The following ZFYVE28 variants were observed in gnomAD, a reference collection of about 807,000 sequenced individuals.
ZFYVE28 encodes the protein lateral signaling target protein 2 homolog.
Under a neutral mutation model 82.1 loss-of-function variants are expected in ZFYVE28, and 40 were observed. That is an observed-to-expected ratio of 0.49 (90% CI 0.38 to 0.63). The LOEUF (loss-of-function observed/expected upper bound fraction) is 0.63, where lower values mean the gene tolerates loss of function less well. Among genes scored for constraint, ZFYVE28 ranks in the 30% least tolerant of loss-of-function variants. The pLI, the probability that ZFYVE28 is intolerant of heterozygous loss-of-function variation, is 0.00. For synonymous variants in ZFYVE28, 612 were observed against 546.1 expected, an observed-to-expected ratio of 1.12 and a Z score of -1.68; for missense variants, 1,321 against 1,242.1, an observed-to-expected ratio of 1.06 and a Z score of -0.96.
intron 1 of ZFYVE28, among the ~76,000 whole-genome samples, chr4:2,407,165 A>G (rs1435222761): frequency 1.3e-5 from 2 of 151,838 alleles, no homozygotes; most frequent in African/African-American, 2.4e-5. Flanking sequence ...TCTGACTTTG[A>G]TTTTCCTCTT....
chr4:2,416,337 C>A lies in ZFYVE28; in HGVS notation c.39+1948G>T, dbSNP rs1733030210. On this transcript the variant is annotated intron_variant, in intron 1 of 12. Coordinates refer to ENST00000290974, the MANE Select transcript of ZFYVE28 (RefSeq NM_020972.3). The surrounding 1 kb of genome is among the most constrained non-coding windows in gnomAD (Gnocchi z 4.6). ...TCAACACGATTAGAAGGGTGATCCC[C>A]CAAATGCGGCCTCTTCCACAGCCAC... Among the ~76,000 whole-genome samples the A allele has an allele frequency of 6.6e-6, 1 of 152,218 alleles. No individual in the cohort carries two copies. Among genetic ancestry groups the A allele is most frequent in the African/African-American group, 2.4e-5 (1 of 41,444 alleles).
At chr4:2,298,795 C>T (rs750605269) in intron 8 of ZFYVE28, among the ~76,000 whole-genome samples, 3 of 152,222 alleles carry the variant, frequency 2.0e-5, no homozygotes, top group African/African-American at 4.8e-5. Context: ...CAGCCTTGAC[C>T]GTGTGTCAGG....
intron 1 of ZFYVE28, among the ~76,000 whole-genome samples, chr4:2,393,050 C>T (rs145494707): frequency 3.2e-4 from 48 of 152,332 alleles, no homozygotes; most frequent in African/African-American, 9.4e-4. Context: ...CAAAGCTCCC[C>T]GTGAAAGGGC....
intron 2 of ZFYVE28, among the ~76,000 whole-genome samples, chr4:2,350,617 G>C (rs952657213): frequency 1.2e-4 from 19 of 152,184 alleles, no homozygotes; most frequent in East Asian, 5.8e-4. Context: ...GCTTCAGGAT[G>C]GGGGGCTGGT....
chr4:2,379,667 T>A (rs1267778899), intron 1 of ZFYVE28, among the ~76,000 whole-genome samples: 1 of 152,210 alleles, frequency 6.6e-6, no homozygotes, highest in African/African-American at 2.4e-5. Context: ...TGTAATTTTA[T>A]CCTCATGGGA....
intron 7 of ZFYVE28, chr4:2,306,780 C>T (rs746050418): frequency 3.3e-5 from 5 of 152,158 alleles, no homozygotes; most frequent in Non-Finnish European, 5.9e-5. Context: ...AACGCTATTT[C>T]GTAAGATTCA....
intron 1 of ZFYVE28, among the ~76,000 whole-genome samples, chr4:2,370,093 C>T (rs1018053014): frequency 6.6e-6 from 1 of 151,810 alleles, no homozygotes; most frequent in African/African-American, 2.4e-5. Flanking sequence ...CGTGATCCGC[C>T]CGCCTTAGCC....
chr4:2,369,920 G>A (rs1205679784), intron 1 of ZFYVE28, among the ~76,000 whole-genome samples: 3 of 142,398 alleles, frequency 2.1e-5, no homozygotes, highest in African/African-American at 5.3e-5. Flanking sequence ...GCGTGATCTC[G>A]GCTCACTGCA....
chr4:2,273,010 A>G (rs1736051738), intron 10 of ZFYVE28, among the ~76,000 whole-genome samples, 163 bp downstream of exon 10: 1 of 152,188 alleles, frequency 6.6e-6, no homozygotes, highest in South Asian at 2.1e-4. Context: ...GCAGCCTGGC[A>G]CATTTGGAGT....
At chr4:2,407,858 T>A (rs1222972091) in intron 1 of ZFYVE28, among the ~76,000 whole-genome samples, 1 of 152,216 alleles carries the variant, frequency 6.6e-6, no homozygotes, top group Non-Finnish European at 1.5e-5. Context: ...AGTGCTGGGA[T>A]TACAGGCGTG....
rs1720292787 is a variant in ZFYVE28 at position 2,329,056 on chromosome 4, C to G, written c.701+6649G>C. On this transcript the variant is annotated intron_variant, in intron 6 of 12. Transcript: ENST00000290974. ...TTTGAAATCAGGACGTATGAATCTTCCAATTTTGTTTTTGTTTTTCAATAT... is the reference window on the plus strand; with the variant it reads ...TTTGAAATCAGGACGTATGAATCTTGCAATTTTGTTTTTGTTTTTCAATAT... 5 of 691,464 alleles carry G rather than the reference C, an allele frequency of 7.2e-6. No homozygotes were observed. In the East Asian group the frequency reaches 1.3e-4, roughly 19 times the overall value. 42.8% of individuals were successfully genotyped at this position (691,464 alleles called of 1,614,324 possible).
chr4:2,353,806 C>T, intron 2 of ZFYVE28, 127 bp downstream of exon 2: 1 of 1,199,392 alleles, frequency 8.3e-7, no homozygotes, highest in African/African-American at 1.6e-5. Context: ...CCTGGCTTCT[C>T]TAGCACCCGA....
chr4:2,341,513 C>T lies in ZFYVE28; in HGVS notation c.283G>A (p.Asp95Asn), dbSNP rs772163580. Residue 95 changes from aspartate to asparagine, a missense_variant, in exon 3 of 13, where the codon GAC (aspartate) becomes AAC (asparagine). Asp to Asn is a conservative substitution (Grantham distance 23). Around this residue, in one of 2 missense-constraint regions of ZFYVE28, gnomAD observed 343 missense variants for 408.4 expected, o/e 0.84. Coordinates refer to ENST00000290974, the MANE Select transcript of ZFYVE28 (RefSeq NM_020972.3). This position sits in a 1 kb window ranked among gnomAD's most constrained non-coding sequence, Gnocchi z 4.5. ...AACCACAGCTGGCCGGCCAGGTTGT[C>T]GTGCCGGATCTCCTCAGGGAACTTG... ...CVKFPEEIRH[D>N]NLAGQLWFGA... 5.6e-6 allele frequency: 9 copies of T among 1,613,842 alleles called. No homozygotes were observed. The highest frequency in any genetic ancestry group is 1.3e-5 in the African/African-American group (1 of 75,036).
chr4:2,395,467 G>C (rs1402721048), intron 1 of ZFYVE28, among the ~76,000 whole-genome samples: 1 of 152,180 alleles, frequency 6.6e-6, no homozygotes, highest in African/African-American at 2.4e-5. Context: ...CCACACACAG[G>C]CACCAGGTCC....
chr4:2,380,327 C>A (rs907765205), intron 1 of ZFYVE28, among the ~76,000 whole-genome samples: 1 of 152,206 alleles, frequency 6.6e-6, no homozygotes, highest in East Asian at 1.9e-4. Context: ...TGCCAAGAAA[C>A]CTGCTCTCAT....
intron 8 of ZFYVE28, among the ~76,000 whole-genome samples, chr4:2,281,641 G>A (rs183424250): frequency 1.1e-4 from 16 of 152,318 alleles, no homozygotes; most frequent in African/African-American, 3.8e-4. Flanking sequence ...ACCTCTTTAA[G>A]GTCCCCCCTC....
chr4:2,398,502 C>T (rs1430472592), intron 1 of ZFYVE28, among the ~76,000 whole-genome samples: 2 of 152,086 alleles, frequency 1.3e-5, no homozygotes, highest in Non-Finnish European at 2.9e-5. Context: ...CTGGGAGAGA[C>T]CAGTACAAGA....
intron 7 of ZFYVE28, among the ~76,000 whole-genome samples, chr4:2,314,716 A>T (rs1298873028): frequency 2.6e-5 from 4 of 152,196 alleles, no homozygotes; most frequent in African/African-American, 4.8e-5. Flanking sequence ...AACTCCACAG[A>T]CACTATAATT....
At chr4:2,340,770 AC>A (rs775469389) in intron 3 of ZFYVE28, among the ~76,000 whole-genome samples, 1 of 152,038 alleles carries the variant, frequency 6.6e-6, no homozygotes, top group African/African-American at 2.4e-5. Context: ...GGCAGAGGAC[AC>A]CCCAACCAGG....
Sources: allele counts gnomAD v4.1 joint callset (sites outside exome capture counted in the v4.1 genomes callset), GRCh38; gene constraint gnomAD v4.1.1; regional missense constraint gnomAD v4.1.1; non-coding constraint Gnocchi (gnomAD v3.1); transcripts MANE v1.5; gene names NCBI Gene and HGNC (gene_info 2026-07-23, HGNC 2026-07-21).